Variants in CCSER1 observed in about 807,000 individuals in gnomAD.
The protein encoded by CCSER1 is serine-rich coiled-coil domain-containing protein 1.
Under a neutral mutation model 82.0 loss-of-function variants are expected in CCSER1, and 41 were observed. The ratio of observed to expected loss-of-function variants is 0.50; its 90% confidence interval spans 0.39 to 0.65. CCSER1 has a LOEUF of 0.65. Among genes scored for constraint, CCSER1 ranks in the 30% least tolerant of loss-of-function variants. The pLI is 0.00. For synonymous variants in CCSER1, 414 were observed against 383.9 expected, an observed-to-expected ratio of 1.08 and a Z score of -0.92; for missense variants, 1,119 against 1,064.2, an observed-to-expected ratio of 1.05 and a Z score of -0.72.
chr4:91,143,809 A>G (rs531281476), intron 10 of CCSER1, among the ~76,000 whole-genome samples: 10 of 152,094 alleles, frequency 6.6e-5, no homozygotes, highest in Non-Finnish European at 4.4e-5. Flanking sequence ...CCCACATTGC[A>G]TCCCAGGAAT....
At chr4:91,274,774 G>A (rs959399954) in intron 10 of CCSER1, among the ~76,000 whole-genome samples, 7 of 152,090 alleles carry the variant, frequency 4.6e-5, no homozygotes, top group Non-Finnish European at 8.8e-5. Flanking sequence ...TGTGAATAAT[G>A]CTGCAATAAA....
intron 8 of CCSER1, among the ~76,000 whole-genome samples, chr4:90,869,085 C>T (rs1766106969): frequency 6.6e-6 from 1 of 151,856 alleles, no homozygotes; most frequent in African/African-American, 2.4e-5. Context: ...GTTTAAGCTT[C>T]TTATATATTC....
chr4:90,466,711 G>C (rs1367958332), intron 4 of CCSER1, among the ~76,000 whole-genome samples: 1 of 152,208 alleles, frequency 6.6e-6, no homozygotes, highest in Non-Finnish European at 1.5e-5. Flanking sequence ...ACAAAACCAA[G>C]TGTTGGTGTG....
chr4:91,376,735 T>C (rs1156635830), intron 10 of CCSER1, among the ~76,000 whole-genome samples: 1 of 152,166 alleles, frequency 6.6e-6, no homozygotes, highest in Non-Finnish European at 1.5e-5. Flanking sequence ...CTATCAAATA[T>C]TTTTACAAAG....
chr4:90,781,760 G>C (rs1753809646), intron 7 of CCSER1: 1 of 966,058 alleles, frequency 1.0e-6, no homozygotes, highest in South Asian at 4.8e-5. Flanking sequence ...CCTGTCTTTT[G>C]TTACTGAAAT....
At chr4:90,967,295 A>C (rs1406872929) in intron 9 of CCSER1, among the ~76,000 whole-genome samples, 1 of 151,816 alleles carries the variant, frequency 6.6e-6, no homozygotes, top group Non-Finnish European at 1.5e-5. Context: ...TAAAAATACA[A>C]AAAATTAGCT....
intron 2 of CCSER1, among the ~76,000 whole-genome samples, chr4:90,310,051 A>T (rs991358142): frequency 6.6e-6 from 1 of 152,102 alleles, no homozygotes; most frequent in Non-Finnish European, 1.5e-5. Context: ...GTATAATTTA[A>T]TACGAATTTT....
At position 90,172,887 on chromosome 4, in the gene CCSER1, G is replaced by C. The variant is rs903343259; in HGVS notation, c.-42+45056G>C. Among the ~76,000 whole-genome samples the C allele has an allele frequency of 2.1e-4, 32 of 151,866 alleles. No homozygotes were observed. In the Admixed American group the frequency reaches 2.1e-3, roughly 10 times the overall value. On this transcript the variant is annotated intron_variant, in intron 1 of 10. Coordinates refer to ENST00000509176, the MANE Select transcript of CCSER1 (RefSeq NM_001145065.2). The stretch of plus-strand genomic sequence containing the variant: ...GGTGTGCAGTAGGACTGGAGAGTAG[G>C]ATTGTAAAATCTGCAATAATTTGTG...
At chr4:90,699,308 A>G (rs747989627) in intron 6 of CCSER1, among the ~76,000 whole-genome samples, 1 of 152,116 alleles carries the variant, frequency 6.6e-6, no homozygotes, top group Admixed American at 6.6e-5. Flanking sequence ...TACTAAAAAT[A>G]TAAAACATTA....
chr4:90,734,943 C>T (rs1745409844), intron 7 of CCSER1, among the ~76,000 whole-genome samples: 1 of 152,104 alleles, frequency 6.6e-6, no homozygotes, highest in Non-Finnish European at 1.5e-5. Context: ...TTAGCATAAG[C>T]TGTGGGTCTG....
chr4:91,482,031 C>T (rs1757943856), intron 10 of CCSER1, among the ~76,000 whole-genome samples: 2 of 152,090 alleles, frequency 1.3e-5, no homozygotes, highest in Non-Finnish European at 2.9e-5. Context: ...TGCTCATCAT[C>T]ACTGGCGATC....
intron 10 of CCSER1, among the ~76,000 whole-genome samples, chr4:91,179,209 A>G (rs997676985): frequency 3.9e-5 from 6 of 152,052 alleles, no homozygotes; most frequent in Non-Finnish European, 8.8e-5. Flanking sequence ...GGGTAACCCA[A>G]CCTTTCTGTC....
At chr4:90,290,944 A>G (rs1730817448) in intron 1 of CCSER1, among the ~76,000 whole-genome samples, 1 of 138,982 alleles carries the variant, frequency 7.2e-6, no homozygotes, top group African/African-American at 3.3e-5. Flanking sequence ...TAATTTCCGA[A>G]TTTGTCTTTA....
At chr4:90,846,902 C>T (rs1318320576) in intron 8 of CCSER1, among the ~76,000 whole-genome samples, 1 of 152,200 alleles carries the variant, frequency 6.6e-6, no homozygotes, top group African/African-American at 2.4e-5. Flanking sequence ...CTGCCTTGGC[C>T]TCCCAAAGTG....
intron 10 of CCSER1, among the ~76,000 whole-genome samples, chr4:91,219,443 G>C (rs1737560116): frequency 6.7e-6 from 1 of 149,910 alleles, no homozygotes; most frequent in South Asian, 2.1e-4. Flanking sequence ...CTCTCAAATA[G>C]CTGGGTCTGC....
chr4:90,944,089 C>T (rs956912862), intron 9 of CCSER1, among the ~76,000 whole-genome samples: 1 of 151,740 alleles, frequency 6.6e-6, no homozygotes, highest in African/African-American at 2.4e-5. Flanking sequence ...AAAACATGAG[C>T]TGGGCGAGCG....
chr4:91,104,078 C>G (rs976287079), intron 10 of CCSER1, among the ~76,000 whole-genome samples: 5 of 152,078 alleles, frequency 3.3e-5, no homozygotes, highest in African/African-American at 1.2e-4. Context: ...CTGCAGTACC[C>G]TTAGGCTTAC....
intron 4 of CCSER1, among the ~76,000 whole-genome samples, chr4:90,450,750 G>A (rs116496369): frequency 0.012 from 1,810 of 152,298 alleles, 16 homozygotes; most frequent in South Asian, 0.022. Flanking sequence ...GAGAGAGAAA[G>A]GGAAGGAGGT....
intron 10 of CCSER1, among the ~76,000 whole-genome samples, chr4:91,099,332 AAC>A (rs1724829507): frequency 6.6e-6 from 1 of 152,216 alleles, no homozygotes; most frequent in Non-Finnish European, 1.5e-5. Context: ...GTATCTGATG[AAC>A]AGTGTGAATT....
Sources: gnomAD v4.1 joint callset for allele counts (sites outside exome capture counted in the v4.1 genomes callset) on GRCh38, gnomAD v4.1.1 for gene constraint, MANE v1.5 for transcripts, NCBI Gene and HGNC (gene_info 2026-07-23, HGNC 2026-07-21) for gene names.